FOXP2: variants seen among roughly 807,000 people sequenced by gnomAD.
The protein encoded by FOXP2 is forkhead box P2.
A neutral mutation model predicts 115.8 loss-of-function variants in FOXP2; 12 were observed. That is an observed-to-expected ratio of 0.10 (90% CI 0.07 to 0.17). The LOEUF (loss-of-function observed/expected upper bound fraction) is 0.17. Ranked by LOEUF, FOXP2 falls within the 10% of genes least tolerant of loss-of-function variation. The pLI is 1.00. For missense variants in FOXP2, 629 were observed against 843.5 expected (o/e 0.75, Z 3.15); for synonymous variants, 328 against 297.7 (o/e 1.10, Z -1.05).
chr7:114,592,284 T>G (rs889078175), intron 3 of FOXP2, among the ~76,000 whole-genome samples: 2 of 152,044 alleles, frequency 1.3e-5, no homozygotes, highest in African/African-American at 4.8e-5. Flanking sequence ...TTCTTATCAG[T>G]CTTATATTTT....
chr7:114,318,853 T>C (rs1047742626), intron 2 of FOXP2, among the ~76,000 whole-genome samples: 1 of 152,154 alleles, frequency 6.6e-6, no homozygotes, highest in Non-Finnish European at 1.5e-5. Flanking sequence ...ACCAGTTGTA[T>C]GTATGTAAGC....
At chr7:114,246,160 G>A (rs1795278057) in intron 1 of FOXP2, among the ~76,000 whole-genome samples, 1 of 152,038 alleles carries the variant, frequency 6.6e-6, no homozygotes, top group South Asian at 2.1e-4. Flanking sequence ...TAATTGGAGA[G>A]ACTATAAAGA....
intron 1 of FOXP2, among the ~76,000 whole-genome samples, chr7:114,174,382 T>C (rs1259322916): frequency 1.3e-5 from 2 of 152,052 alleles, no homozygotes; most frequent in Non-Finnish European, 2.9e-5. Context: ...AAAGTTATTA[T>C]GTTTTTGTGT....
intron 2 of FOXP2, among the ~76,000 whole-genome samples, chr7:114,518,769 G>A (rs992561765): frequency 2.6e-5 from 4 of 152,100 alleles, no homozygotes; most frequent in African/African-American, 9.7e-5. Flanking sequence ...GCCTCCCAAA[G>A]TGCTGGGATT....
chr7:114,561,101 C>T (rs940800268), intron 3 of FOXP2: 5 of 152,188 alleles, frequency 3.3e-5, no homozygotes, highest in Non-Finnish European at 7.3e-5. Flanking sequence ...TTTAATTGGC[C>T]TAACTTGTAT....
intron 16 of FOXP2, among the ~76,000 whole-genome samples, chr7:114,675,777 C>G (rs1807719619): frequency 6.6e-6 from 1 of 151,952 alleles, no homozygotes; most frequent in Non-Finnish European, 1.5e-5. Flanking sequence ...CAATGGGGAA[C>G]ATATGACTAT....
intron 3 of FOXP2, among the ~76,000 whole-genome samples, chr7:114,580,973 G>A (rs1237562937): frequency 6.6e-6 from 1 of 151,310 alleles, no homozygotes; most frequent in Admixed American, 6.6e-5. Context: ...CAAGACACTG[G>A]GTAAAGGAAG....
intron 1 of FOXP2, among the ~76,000 whole-genome samples, chr7:114,155,272 G>T (rs1239075084): frequency 6.6e-6 from 1 of 152,066 alleles, no homozygotes; most frequent in Non-Finnish European, 1.5e-5. Flanking sequence ...AGGGGGATCA[G>T]ACATGCCTCA....
intron 3 of FOXP2, among the ~76,000 whole-genome samples, chr7:114,619,659 TA>T (rs1165139043): frequency 7.9e-5 from 12 of 152,124 alleles, no homozygotes; most frequent in Non-Finnish European, 1.8e-4. Flanking sequence ...TCCAATTTTT[TA>T]AAAGAAACTG....
intron 2 of FOXP2, among the ~76,000 whole-genome samples, chr7:114,368,448 C>A (rs1443269599): frequency 6.6e-6 from 1 of 152,124 alleles, no homozygotes; most frequent in Non-Finnish European, 1.5e-5. Flanking sequence ...TGCCAAATGG[C>A]CCTATAACCA....
At chr7:114,560,034 T>C (rs1284612522) in intron 3 of FOXP2, among the ~76,000 whole-genome samples, 1 of 152,214 alleles carries the variant, frequency 6.6e-6, no homozygotes, top group Non-Finnish European at 1.5e-5. Flanking sequence ...TGGCTGCCAC[T>C]AAACTTTCTT....
chr7:114,358,383 A>T (rs1791664943), intron 2 of FOXP2, among the ~76,000 whole-genome samples: 1 of 152,182 alleles, frequency 6.6e-6, no homozygotes, highest in Admixed American at 6.5e-5. Context: ...TGGCACCAGT[A>T]GAGTGGGGCG....
intron 3 of FOXP2, among the ~76,000 whole-genome samples, chr7:114,572,899 T>C (rs922680323): frequency 6.6e-6 from 1 of 151,904 alleles, no homozygotes; most frequent in African/African-American, 2.4e-5. Context: ...GCTGAATTTG[T>C]TGCCCAAGTT....
chr7:114,650,924 T>C (rs1051325905), intron 8 of FOXP2, among the ~76,000 whole-genome samples: 1 of 151,998 alleles, frequency 6.6e-6, no homozygotes, highest in African/African-American at 2.4e-5. Flanking sequence ...AAAACAAAGG[T>C]TTCTGATTGT....
At chr7:114,526,475 C>CA (rs572915238) in intron 2 of FOXP2, among the ~76,000 whole-genome samples, 802 of 68,736 alleles carry the variant, frequency 0.012, 2 homozygotes, top group African/African-American at 0.021. Context: ...GACTCTGTCT[C>CA]AAAAAAAAAA....
chr7:114,371,914 T>C (rs1792018534), intron 2 of FOXP2, among the ~76,000 whole-genome samples: 1 of 152,210 alleles, frequency 6.6e-6, no homozygotes, highest in Non-Finnish European at 1.5e-5. Context: ...AATAGTAATA[T>C]TTACTGTTAA....
At chr7:114,257,516 C>G (rs535614670) in intron 1 of FOXP2, among the ~76,000 whole-genome samples, 1 of 142,112 alleles carries the variant, frequency 7.0e-6, no homozygotes, top group Non-Finnish European at 1.5e-5. Flanking sequence ...TGCAGTGGCA[C>G]GATCTCAGCT....
At chr7:114,544,896 A>G (rs1318015440) in intron 3 of FOXP2, among the ~76,000 whole-genome samples, 2 of 152,184 alleles carry the variant, frequency 1.3e-5, no homozygotes, top group Non-Finnish European at 2.9e-5. Flanking sequence ...ATCAATAACA[A>G]TCACCACTGC....
At chr7:114,450,214 C>A (rs767837228) in intron 2 of FOXP2, among the ~76,000 whole-genome samples, 31 of 152,002 alleles carry the variant, frequency 2.0e-4, no homozygotes, top group Non-Finnish European at 4.1e-4. Flanking sequence ...TATGTCCTTC[C>A]TCTATGCATA....
Sources: gnomAD v4.1 joint callset for allele counts (sites outside exome capture counted in the v4.1 genomes callset) on GRCh38, gnomAD v4.1.1 for gene constraint, MANE v1.5 for transcripts, NCBI Gene and HGNC (gene_info 2026-07-23, HGNC 2026-07-21) for gene names.